The following EDARADD variants were observed in gnomAD, a reference collection of about 807,000 sequenced individuals.
The protein encoded by EDARADD is EDAR associated via death domain.
Under a neutral mutation model 25.6 loss-of-function variants are expected in EDARADD, and 20 were observed. That is an observed-to-expected ratio of 0.78 (90% confidence interval 0.55 to 1.14). The LOEUF is 1.14. EDARADD is among the 50% of genes most tolerant of loss of function. EDARADD has a pLI of 0.00. For missense variants in EDARADD, 225 were observed against 270.1 expected (o/e 0.83, Z 1.17); for synonymous variants, 86 against 94.4 (o/e 0.91, Z 0.52).
intron 1 of EDARADD, among the ~76,000 whole-genome samples, chr1:236,399,035 G>A (rs1339097412): frequency 2.0e-5 from 3 of 152,060 alleles, no homozygotes; most frequent in Admixed American, 2.0e-4. Flanking sequence ...AGCTCTTCCC[G>A]TATTGGCATT....
chr1:236,456,733 T>G lies in EDARADD; in HGVS notation c.220-11498T>G, dbSNP rs1274511748. Reference sequence around the variant, plus strand: ...TCTTCCCCTCCCCCCTCCCCCTCACTCCCTCTGCACCTGTGTTTCGCTGTC... The same window carrying G: ...TCTTCCCCTCCCCCCTCCCCCTCACGCCCTCTGCACCTGTGTTTCGCTGTC... On this transcript the variant is annotated intron_variant, in intron 4 of 5. Coordinates refer to ENST00000334232, the MANE Select transcript of EDARADD (RefSeq NM_145861.4). Among the ~76,000 whole-genome samples, 3 of 85,834 alleles carry G rather than the reference T, an allele frequency of 3.5e-5. 1 individual carries two copies. The South Asian group carries it at 1.4e-3, about 40-fold the overall frequency. The allele number at this position is 85,834 out of a possible 152,430, so 56.3% of individuals were successfully genotyped here. A position where few individuals can be genotyped will look rare whatever the true frequency, so the allele number is the denominator to read the frequency against.
Position 236,483,644 on chromosome 1 carries a change from C to A in EDARADD, c.*995C>A. ...TCATCAATGGCAGTTCTCATGCTGT[C>A]ACCAAGCTGGCCATGCAGGAGTTCA... On this transcript the variant is annotated 3_prime_UTR_variant, in exon 6 of 6. Coordinates refer to ENST00000334232, the MANE Select transcript of EDARADD (RefSeq NM_145861.4). The A allele has an allele frequency of 6.4e-7, 1 of 1,573,092 alleles. No homozygotes were observed. Among genetic ancestry groups the A allele is most frequent in the Non-Finnish European group, 8.7e-7 (1 of 1,144,694 alleles).
At chr1:236,455,835 G>C (rs1658844643) in intron 4 of EDARADD, among the ~76,000 whole-genome samples, 1 of 152,206 alleles carries the variant, frequency 6.6e-6, no homozygotes, top group Non-Finnish European at 1.5e-5. Context: ...TGTCACCCAG[G>C]CTGGAGAGCA....
chr1:236,413,626 C>G (rs1010241577), intron 2 of EDARADD, among the ~76,000 whole-genome samples: 1 of 152,152 alleles, frequency 6.6e-6, no homozygotes, highest in African/African-American at 2.4e-5. Context: ...GTTTCCGGAA[C>G]TTTAGATATC....
intron 4 of EDARADD, among the ~76,000 whole-genome samples, chr1:236,454,691 A>C (rs755047790): frequency 6.6e-6 from 1 of 152,184 alleles, no homozygotes; most frequent in Non-Finnish European, 1.5e-5. Flanking sequence ...GGGACAGTGG[A>C]TGAGTAGCAG....
intron 4 of EDARADD, among the ~76,000 whole-genome samples, chr1:236,455,226 G>C (rs780673107): frequency 1.3e-5 from 2 of 149,526 alleles, no homozygotes; most frequent in Non-Finnish European, 3.0e-5. Flanking sequence ...AAAAAAAATA[G>C]TGGATGGAGA....
At chr1:236,390,291 C>T (rs1667406273), upstream of EDARADD, among the ~76,000 whole-genome samples, 3 of 152,170 alleles carry the variant, frequency 2.0e-5, no homozygotes, top group Admixed American at 2.0e-4. Context: ...CGTGGTGGCT[C>T]ATGCCTGTAA....
At chr1:236,473,292 G>A (rs6665044) in intron 5 of EDARADD, among the ~76,000 whole-genome samples, 16,110 of 151,968 alleles carry the variant, frequency 0.11, 1,347 homozygotes, top group African/African-American at 0.23. Flanking sequence ...AAAGGGTAGC[G>A]AGACCCAAAC....
chr1:236,385,433 G>T (rs557416305), intron 3 of EDARADD, among the ~76,000 whole-genome samples: 64 of 10,298 alleles, frequency 6.2e-3, no homozygotes, highest in African/African-American at 9.1e-3. Flanking sequence ...AAAAAAAAAT[G>T]CTCTTCCAGG....
At chr1:236,414,204 A>G in intron 2 of EDARADD, 56 bp from the exon 3 acceptor site, 3 of 1,452,788 alleles carry the variant, frequency 2.1e-6, no homozygotes, top group Non-Finnish European at 2.9e-6. Context: ...CTTTCTTTTC[A>G]CTTTGATCTT....
Position 236,484,708 on chromosome 1 carries a change from G to GAA in EDARADD, c.*2077_*2078dup, listed in dbSNP as rs11358746. The stretch of plus-strand genomic sequence containing the variant: ...GGAGACAGAGTGAGAGTCCGTCCCA[G>GAA]AAAAAAAAAAAAAAAAAAAGAACTT... On this transcript the variant is annotated 3_prime_UTR_variant, in exon 6 of 6. Coordinates refer to ENST00000334232, the MANE Select transcript of EDARADD (RefSeq NM_145861.4). The surrounding 1 kb of genome is among the most constrained non-coding windows in gnomAD (Gnocchi z 4.1). The GAA allele has an allele frequency of 6.3e-3, 942 of 148,752 alleles. 5 individuals carry two copies. Among genetic ancestry groups the GAA allele is most frequent in the African/African-American group, 0.021 (686 of 32,098 alleles). 9.2% of individuals were successfully genotyped at this position (148,752 alleles called of 1,614,324 possible).
intron 3 of EDARADD, 110 bp downstream of exon 3, chr1:236,414,409 C>T (rs969575139): frequency 3.6e-6 from 3 of 842,088 alleles, no homozygotes; most frequent in Non-Finnish European, 5.8e-6. Flanking sequence ...AGAAACATGC[C>T]CATAGATTAG....
chr1:236,443,763 G>A (rs1658462474), intron 4 of EDARADD, among the ~76,000 whole-genome samples: 1 of 152,130 alleles, frequency 6.6e-6, no homozygotes. Flanking sequence ...ATTTAGAATA[G>A]TACATAAACT....
At chr1:236,420,337 GC>G (rs1326828705) in intron 3 of EDARADD, among the ~76,000 whole-genome samples, 1 of 152,200 alleles carries the variant, frequency 6.6e-6, no homozygotes, top group Non-Finnish European at 1.5e-5. Context: ...TTTACATGGT[GC>G]TAAAATTTCT....
chr1:236,482,177 A>G, intron 5 of EDARADD, 90 bp from the exon 6 acceptor site: 2 of 1,493,028 alleles, frequency 1.3e-6, no homozygotes, highest in Non-Finnish European at 1.9e-6. Context: ...GATGCTTTTG[A>G]CAATTCAGCA....
intron 4 of EDARADD, among the ~76,000 whole-genome samples, chr1:236,447,915 A>C (rs1043298909): frequency 6.6e-6 from 1 of 151,466 alleles, no homozygotes; most frequent in South Asian, 2.1e-4. Context: ...GGCTCCCTGC[A>C]ACCTCCGCCT....
chr1:236,407,732 A>G (rs1176348820), intron 1 of EDARADD, among the ~76,000 whole-genome samples: 1 of 152,184 alleles, frequency 6.6e-6, no homozygotes, highest in Admixed American at 6.5e-5. Flanking sequence ...AAAAGATTTG[A>G]TTATTTACTG....
At chr1:236,410,944 C>G (rs1450191036) in intron 2 of EDARADD, among the ~76,000 whole-genome samples, 2 of 152,138 alleles carry the variant, frequency 1.3e-5, no homozygotes, top group Non-Finnish European at 2.9e-5. Context: ...GAACGAAGAA[C>G]AACCCTGTGG....
intron 4 of EDARADD, among the ~76,000 whole-genome samples, chr1:236,445,353 G>A (rs1005897174): frequency 6.0e-5 from 9 of 150,738 alleles, no homozygotes; most frequent in Non-Finnish European, 1.0e-4. Context: ...TCAGCCTCCC[G>A]AGTAGCTGGG....
Sources: allele counts gnomAD v4.1 joint callset (sites outside exome capture counted in the v4.1 genomes callset), GRCh38; gene constraint gnomAD v4.1.1; non-coding constraint Gnocchi (gnomAD v3.1); transcripts MANE v1.5; gene names NCBI Gene and HGNC (gene_info 2026-07-23, HGNC 2026-07-21).